MCC: variants seen among roughly 807,000 people sequenced by gnomAD.
The protein encoded by MCC is MCC regulator of Wnt signaling pathway, also known as colorectal mutant cancer protein.
In MCC, 90 loss-of-function variants were observed where a neutral mutation model predicts 116.2. The observed-to-expected ratio is 0.77, with a 90% confidence interval of 0.65 to 0.92. The LOEUF is 0.92. Among genes scored for constraint, MCC ranks in the 40% least tolerant of loss-of-function variants. MCC has a pLI of 0.00. For missense variants in MCC, 1,516 were observed against 1,312.2 expected (o/e 1.16, Z -2.40); for synonymous variants, 578 against 510.5 (o/e 1.13, Z -1.78).
intron 1 of MCC, among the ~76,000 whole-genome samples, chr5:113,474,009 G>A (rs952737993): frequency 1.3e-5 from 2 of 152,200 alleles, no homozygotes; most frequent in Non-Finnish European, 2.9e-5. Context: ...GTTAGTAGCA[G>A]GGGCACTGAA....
rs1768786486 is a variant in MCC at position 113,369,507 on chromosome 5, T to C, written c.415+15461A>G. 2.0e-5 allele frequency among the ~76,000 whole-genome samples: 3 copies of C among 152,224 alleles called. No homozygotes were observed. The South Asian group carries it at 6.2e-4, about 32-fold the overall frequency. On this transcript the variant is annotated intron_variant, in intron 2 of 18. Coordinates refer to ENST00000408903, the MANE Select transcript of MCC (RefSeq NM_001085377.2). ...ACATTTTCTTCTCTTTTTCAGAGTATATTAATGGTAGATTTTTTGAGTGTT... is the reference window on the plus strand; with the variant it reads ...ACATTTTCTTCTCTTTTTCAGAGTACATTAATGGTAGATTTTTTGAGTGTT...
chr5:113,242,800 A>G (rs1430987116), intron 3 of MCC, among the ~76,000 whole-genome samples: 1 of 152,130 alleles, frequency 6.6e-6, no homozygotes, highest in African/African-American at 2.4e-5. Context: ...CCATCTCACC[A>G]AAAGGAACAA....
chr5:113,131,909 C>G (rs1265106766), intron 5 of MCC, among the ~76,000 whole-genome samples: 1 of 152,178 alleles, frequency 6.6e-6, no homozygotes, highest in Non-Finnish European at 1.5e-5. Flanking sequence ...TCTCCACCCT[C>G]TTTAGCTACT....
At chr5:113,488,033 T>C (rs1350769521) in intron 1 of MCC, among the ~76,000 whole-genome samples, 1 of 151,946 alleles carries the variant, frequency 6.6e-6, no homozygotes, top group African/African-American at 2.4e-5. Context: ...CTGGGAAAAG[T>C]TGGACCAACT....
intron 3 of MCC, among the ~76,000 whole-genome samples, chr5:113,198,936 C>G (rs144105500): frequency 3.9e-5 from 6 of 151,994 alleles, no homozygotes; most frequent in Non-Finnish European, 8.8e-5. Flanking sequence ...GGCAGTGGCT[C>G]AAGTCTGTAA....
chr5:113,361,021 C>G (rs1220816644), intron 2 of MCC, among the ~76,000 whole-genome samples: 1 of 152,204 alleles, frequency 6.6e-6, no homozygotes, highest in African/African-American at 2.4e-5. Flanking sequence ...AGGGGCTTTG[C>G]ATTTCTCATT....
At chr5:113,175,109 T>C (rs1761266626) in intron 3 of MCC, among the ~76,000 whole-genome samples, 1 of 152,230 alleles carries the variant, frequency 6.6e-6, no homozygotes, top group Admixed American at 6.5e-5. Flanking sequence ...ACTTCTGTGT[T>C]GTTTGACTTG....
At chr5:113,160,377 C>T (rs1315698500) in intron 3 of MCC, among the ~76,000 whole-genome samples, 1 of 152,246 alleles carries the variant, frequency 6.6e-6, no homozygotes, top group Non-Finnish European at 1.5e-5. Context: ...TACTGGCTAA[C>T]ACAACTGCTT....
At chr5:113,039,155 C>T (rs59147465) in intron 17 of MCC, among the ~76,000 whole-genome samples, 39,154 of 152,136 alleles carry the variant, frequency 0.26, 5,115 homozygotes, top group Middle Eastern at 0.29. Context: ...TGAGGAGCAG[C>T]GCACCTACTT....
rs1345232352 is a variant in MCC, at chr5:113,166,660, C to G, written c.628-15238G>C. Among the ~76,000 whole-genome samples the G allele has an allele frequency of 3.8e-4, 57 of 148,446 alleles. No individual in the cohort carries two copies. In the Admixed American group the frequency reaches 3.8e-3, roughly 10 times the overall value. Reference sequence around the variant, plus strand: ...TAAACAGGACTATAAGATCCCAAGACTCTGTGAGTCTTCCCATTACCCTCA... The same window carrying G: ...TAAACAGGACTATAAGATCCCAAGAGTCTGTGAGTCTTCCCATTACCCTCA... On this transcript the variant is annotated intron_variant, in intron 3 of 18. Coordinates refer to ENST00000408903, the MANE Select transcript of MCC (RefSeq NM_001085377.2).
intron 1 of MCC, among the ~76,000 whole-genome samples, chr5:113,460,901 C>A (rs17389165): frequency 0.13 from 19,216 of 152,234 alleles, 1,447 homozygotes; most frequent in Non-Finnish European, 0.18. Context: ...ATTTTAGCTG[C>A]ACATCAAAAT....
chr5:113,210,934 T>G (rs1763112935), intron 3 of MCC, among the ~76,000 whole-genome samples: 1 of 152,208 alleles, frequency 6.6e-6, no homozygotes, highest in Non-Finnish European at 1.5e-5. Flanking sequence ...TTCAAGCTCT[T>G]GACCTTCCCT....
At chr5:113,384,099 A>G (rs894860978) in intron 2 of MCC, among the ~76,000 whole-genome samples, 4 of 152,178 alleles carry the variant, frequency 2.6e-5, no homozygotes, top group Non-Finnish European at 5.9e-5. Flanking sequence ...AAAATCTCAA[A>G]CATACTAAAA....
chr5:113,186,066 T>C (rs143955469), intron 3 of MCC, among the ~76,000 whole-genome samples: 95 of 152,192 alleles, frequency 6.2e-4, no homozygotes, highest in Middle Eastern at 3.4e-3. Flanking sequence ...TAAACCTAGT[T>C]TGTGGGACTG....
chr5:113,333,797 ATATGTATATATGTATATATG>A (rs1767763523), intron 3 of MCC, among the ~76,000 whole-genome samples: 4 of 74,780 alleles, frequency 5.3e-5, no homozygotes, highest in African/African-American at 2.2e-4. Context: ...ATTTATATAT[ATATGTATATATGTATATATG>A]TACATATATG....
rs552046753 is a variant in MCC, at chr5:113,315,843, G to A, written c.627+24676C>T. On this transcript the variant is annotated intron_variant, in intron 3 of 18. Transcript: ENST00000408903. ...CAGTGAGCCATGATCACACCACTGCGCTCCAGCCCGGGTGACAGAGTGAGA... is the reference window on the plus strand; with the variant it reads ...CAGTGAGCCATGATCACACCACTGCACTCCAGCCCGGGTGACAGAGTGAGA... Among the ~76,000 whole-genome samples, 43 of 151,746 alleles carry A rather than the reference G, an allele frequency of 2.8e-4. 1 individual carries two copies. Among genetic ancestry groups the A allele is most frequent in the Admixed American group, 9.2e-4 (14 of 15,196 alleles).
At chr5:113,195,891 T>A (rs1476785103) in intron 3 of MCC, among the ~76,000 whole-genome samples, 1 of 152,194 alleles carries the variant, frequency 6.6e-6, no homozygotes, top group Non-Finnish European at 1.5e-5. Flanking sequence ...CTCTTCTACA[T>A]GTGGGTCATG....
At chr5:113,103,610 G>T (rs1260271185) in intron 7 of MCC, among the ~76,000 whole-genome samples, 3 of 152,234 alleles carry the variant, frequency 2.0e-5, no homozygotes, top group Non-Finnish European at 4.4e-5. Flanking sequence ...ACTTGGGCCT[G>T]CATTTTCTCT....
chr5:113,033,405 C>A (rs1751099502), intron 17 of MCC, among the ~76,000 whole-genome samples: 1 of 152,224 alleles, frequency 6.6e-6, no homozygotes, highest in East Asian at 1.9e-4. Context: ...CAGTTTTCCT[C>A]AGATTTTCAA....
Sources: allele counts gnomAD v4.1 joint callset (sites outside exome capture counted in the v4.1 genomes callset), GRCh38; gene constraint gnomAD v4.1.1; transcripts MANE v1.5; gene names NCBI Gene and HGNC (gene_info 2026-07-23, HGNC 2026-07-21).